TIMM23B: variants seen among roughly 807,000 people sequenced by gnomAD.
TIMM23B encodes translocase of inner mitochondrial membrane 23 homolog B.
In TIMM23B, 27 loss-of-function variants were observed where a neutral mutation model predicts 27.3. The observed-to-expected ratio is 0.99, with a 90% CI of 0.73 to 1.36. TIMM23B has a LOEUF of 1.36. TIMM23B is among the 40% of genes most tolerant of loss of function. TIMM23B has a pLI of 0.00. For synonymous variants in TIMM23B, 73 were observed against 92.4 expected (o/e 0.79, Z 1.21); for missense variants, 205 against 244.2 (o/e 0.84, Z 1.07).
chr10:49,960,913 C>A (rs1159949917), intron 6 of TIMM23B, among the ~76,000 whole-genome samples: 1 of 150,882 alleles, frequency 6.6e-6, no homozygotes, highest in Non-Finnish European at 1.5e-5. Context: ...CTTAAAATTA[C>A]ATAGAAAGGC....
chr10:49,962,165 A>G (rs1314887801), intron 6 of TIMM23B, among the ~76,000 whole-genome samples: 23 of 151,460 alleles, frequency 1.5e-4, no homozygotes, highest in African/African-American at 5.3e-4. Context: ...AAGTGCTGAT[A>G]CTTAGAAGGT....
chr10:49,952,443 T>C lies in TIMM23B; in HGVS notation c.260-6T>C. ...CTTATCTGGGTGAATTTTTATGATT[T>C]ACCAGGGGCTGCGTTTGGGGCAATG... is the stretch of plus-strand genomic sequence containing the variant. On this transcript the variant is annotated splice_region_variant and splice_polypyrimidine_tract_variant and intron_variant, in intron 3 of 6. Transcript: ENST00000651259. The C allele has an allele frequency of 6.2e-7, 1 of 1,613,054 alleles. No individual in the cohort carries two copies. The highest frequency in any genetic ancestry group is 8.5e-7 in the Non-Finnish European group (1 of 1,179,466).
intron 6 of TIMM23B, among the ~76,000 whole-genome samples, chr10:49,965,798 CGAAAT>C (rs1359435487): frequency 1.5e-4 from 22 of 145,090 alleles, no homozygotes; most frequent in African/African-American, 4.3e-4. Context: ...GAGTCTCCAT[CGAAAT>C]GAAATGAAAT....
chr10:49,956,467 G>A (rs1839729854), intron 5 of TIMM23B, among the ~76,000 whole-genome samples: 2 of 107,116 alleles, frequency 1.9e-5, no homozygotes, highest in African/African-American at 2.9e-5. Flanking sequence ...GTGTGTGTGT[G>A]TGTATGTGTG....
At chr10:49,972,785 C>T (rs1212219189) in intron 6 of TIMM23B, 6 of 570,442 alleles carry the variant, frequency 1.1e-5, no homozygotes, top group African/African-American at 3.9e-5. Flanking sequence ...TGTACCCTGG[C>T]GAATAAGCAA....
chr10:49,968,440 A>G (rs1554855816), intron 6 of TIMM23B, among the ~76,000 whole-genome samples: 2 of 152,400 alleles, frequency 1.3e-5, no homozygotes, highest in South Asian at 2.1e-4. Context: ...AGAATTCCTC[A>G]GCGAATCAAG....
intron 2 of TIMM23B, among the ~76,000 whole-genome samples, chr10:49,949,098 G>C (rs1839441118): frequency 6.7e-6 from 1 of 149,448 alleles, no homozygotes; most frequent in African/African-American, 2.5e-5. Flanking sequence ...GATCTGACTT[G>C]GTTGCCCAGG....
intron 6 of TIMM23B, chr10:49,970,012 T>G (rs1323326542): frequency 1.8e-5 from 3 of 167,344 alleles, no homozygotes; most frequent in Non-Finnish European, 3.8e-5. Context: ...CGGGCTGGTC[T>G]CCAGCTCCTA....
At chr10:49,972,606 AAATTTGTACTGAG>A (rs1217452135) in intron 6 of TIMM23B, among the ~76,000 whole-genome samples, 3 of 151,712 alleles carry the variant, frequency 2.0e-5, no homozygotes, top group African/African-American at 7.3e-5. Flanking sequence ...TTACACCTGA[AAATTTGTACTGAG>A]AATGTAGCTG....
At chr10:49,952,953 T>C (rs1589033708) in intron 4 of TIMM23B, among the ~76,000 whole-genome samples, 1 of 152,232 alleles carries the variant, frequency 6.6e-6, no homozygotes, top group Non-Finnish European at 1.5e-5. Context: ...CTTGAACTTC[T>C]TACTGTCTTG....
intron 2 of TIMM23B, among the ~76,000 whole-genome samples, chr10:49,949,962 A>G (rs1350432185): frequency 6.6e-6 from 1 of 152,048 alleles, no homozygotes; most frequent in Non-Finnish European, 1.5e-5. Context: ...TGGGATTACA[A>G]GCATGAGCTA....
intron 1 of TIMM23B, among the ~76,000 whole-genome samples, chr10:49,943,835 C>A (rs1839264212): frequency 1.3e-5 from 2 of 149,992 alleles, no homozygotes; most frequent in Admixed American, 1.3e-4. Context: ...AAAACATTGC[C>A]TTTAGTGATA....
Position 49,955,001 on chromosome 10 carries a change from G to A in TIMM23B, c.345-1G>A. Reference sequence around the variant, plus strand: ...GATTCTTTCTCTTTCTGCCCTGATAGGATTTTGAATATGGTGACTAGGCAA... The same window carrying A: ...GATTCTTTCTCTTTCTGCCCTGATAAGATTTTGAATATGGTGACTAGGCAA... On this transcript the variant is annotated splice_acceptor_variant, in intron 4 of 6. Coordinates refer to ENST00000651259, the MANE Select transcript of TIMM23B (RefSeq NM_001290117.2). LOFTEE classifies it high-confidence loss of function. The A allele has an allele frequency of 2.5e-6, 4 of 1,612,704 alleles. No individual in the cohort carries two copies. Among genetic ancestry groups the A allele is most frequent in the Non-Finnish European group, 3.4e-6 (4 of 1,179,022 alleles).
chr10:49,966,817 T>C (rs1300391193), intron 6 of TIMM23B, among the ~76,000 whole-genome samples: 1 of 152,188 alleles, frequency 6.6e-6, no homozygotes, highest in African/African-American at 2.4e-5. Context: ...TGAGCGAAAC[T>C]CTGTCTCAAA....
intron 6 of TIMM23B, among the ~76,000 whole-genome samples, chr10:49,969,757 ACTCTCCCTCTCCCCACGGTCTCC>A (rs1349795596): frequency 6.1e-4 from 91 of 149,018 alleles, no homozygotes; most frequent in African/African-American, 8.1e-4. Context: ...TCTCCCTCTC[ACTCTCCCTCTCCCCACGGTCTCC>A]CTCTCCCTCT....
rs1443778305 is a variant in TIMM23B, at chr10:49,946,127, T to C, written c.165+1037T>C. Among the ~76,000 whole-genome samples, 292 of 151,174 alleles carry C rather than the reference T, an allele frequency of 1.9e-3. 1 individual carries two copies. Among genetic ancestry groups the C allele is most frequent in the African/African-American group, 6.7e-3 (275 of 41,028 alleles). On this transcript the variant is annotated intron_variant, in intron 2 of 6. Coordinates refer to ENST00000651259, the MANE Select transcript of TIMM23B (RefSeq NM_001290117.2). ...ATCGCTTGAACCCTGGATACAAAGG[T>C]TGCAGTGAGCTGAGAACACCCCACT...
At chr10:49,964,357 A>G (rs1352618411) in intron 6 of TIMM23B, among the ~76,000 whole-genome samples, 2 of 147,708 alleles carry the variant, frequency 1.4e-5, no homozygotes, top group Non-Finnish European at 3.0e-5. Context: ...TGAAATATGA[A>G]ATGCTGGGTG....
chr10:49,970,601 C>G (rs1408783448), intron 6 of TIMM23B: 1 of 155,688 alleles, frequency 6.4e-6, no homozygotes, highest in Non-Finnish European at 1.4e-5. Context: ...GCCCGGCAGC[C>G]GCCCCGTCCG....
At chr10:49,948,141 CAT>C (rs1839412523) in intron 2 of TIMM23B, among the ~76,000 whole-genome samples, 1 of 152,102 alleles carries the variant, frequency 6.6e-6, no homozygotes, top group African/African-American at 2.4e-5. Flanking sequence ...TGGTCAGTAA[CAT>C]TAATTAGAGA....
Sources: gnomAD v4.1 joint callset for allele counts (sites outside exome capture counted in the v4.1 genomes callset) on GRCh38, gnomAD v4.1.1 for gene constraint, MANE v1.5 for transcripts, NCBI Gene and HGNC (gene_info 2026-07-23, HGNC 2026-07-21) for gene names.